The following PRKCH variants were observed in gnomAD, a reference collection of about 807,000 sequenced individuals.
The protein encoded by PRKCH is protein kinase C eta.
A neutral mutation model predicts 82.5 loss-of-function variants in PRKCH; 28 were observed. That is an observed-to-expected ratio of 0.34 (90% CI 0.25 to 0.47). PRKCH has a LOEUF of 0.47. Ranked by LOEUF, PRKCH falls within the 20% of genes least tolerant of loss-of-function variation. PRKCH has a pLI of 1.00. For synonymous variants in PRKCH, 322 were observed against 327.4 expected, an observed-to-expected ratio of 0.98 and a Z score of 0.18; for missense variants, 705 against 881.8, an observed-to-expected ratio of 0.80 and a Z score of 2.54.
At chr14:61,214,336 G>A (rs1462888023) in intron 1 of PRKCH, among the ~76,000 whole-genome samples, 1 of 152,062 alleles carries the variant, frequency 6.6e-6, no homozygotes, top group East Asian at 1.9e-4. Flanking sequence ...CCAAGGTCAG[G>A]GTTAAGAGTT....
chr14:61,288,224 C>T (rs1158864519), intron 1 of PRKCH, among the ~76,000 whole-genome samples: 6 of 151,826 alleles, frequency 4.0e-5, no homozygotes, highest in African/African-American at 1.4e-4. Flanking sequence ...TTCATTTCTT[C>T]CCCCAGAACC....
chr14:61,488,622 A>G (rs6573395), intron 10 of PRKCH, among the ~76,000 whole-genome samples: 2,029 of 152,276 alleles, frequency 0.013, 42 homozygotes, highest in African/African-American at 0.045. Context: ...GACCACTTCA[A>G]TTCCTGAAAA....
In PRKCH at chr14:61,272,621, G is replaced by A. The variant is rs535102255; in HGVS notation, c.-19+84953G>A. ...TCCACCTGCCTCGGCCTCCCAAAGT[G>A]CTGGGATTACAGGCGTGAGCCACCA... On this transcript the variant is annotated intron_variant, in intron 1 of 3. Transcript: ENST00000555185. Among the ~76,000 whole-genome samples, 10 of 152,198 alleles carry A rather than the reference G, an allele frequency of 6.6e-5. No individual in the cohort carries two copies. In the South Asian group the frequency reaches 2.1e-3, roughly 32 times the overall value.
rs1360578025 is a variant in PRKCH at position 61,457,650 on chromosome 14, A to C, written c.1249A>C (p.Thr417Pro). The change falls in exon 9 of 14, where the codon ACT (threonine) becomes CCT (proline). Residue 417 changes from threonine (T) to proline (P), a missense_variant. Around this residue, in one of 5 missense-constraint regions of PRKCH, gnomAD observed 238 missense variants for 258.1 expected, o/e 0.92. Coordinates refer to ENST00000332981, the MANE Select transcript of PRKCH (RefSeq NM_006255.5). Reference protein sequence around the residue: ...LSLARNHPFLTQLFCCFQTPD... With the variant: ...LSLARNHPFLPQLFCCFQTPD... ...TCTGGCCCGCAATCACCCCTTCCTCACTCAGTTGTTCTGCTGCTTTCAGAC... is the reference window on the plus strand; with the variant it reads ...TCTGGCCCGCAATCACCCCTTCCTCCCTCAGTTGTTCTGCTGCTTTCAGAC... 1 of 1,613,758 alleles carries C rather than the reference A, an allele frequency of 6.2e-7. No individual in the cohort carries two copies. The highest frequency in any genetic ancestry group is 8.5e-7 in the Non-Finnish European group (1 of 1,179,934).
chr14:61,481,158 CAT>C (rs1362375788), intron 9 of PRKCH, among the ~76,000 whole-genome samples: 1 of 152,200 alleles, frequency 6.6e-6, no homozygotes, highest in Non-Finnish European at 1.5e-5. Context: ...AGTGTGGAGT[CAT>C]ATTAGTTTTA....
At chr14:61,475,894 T>C (rs951975439) in intron 9 of PRKCH, among the ~76,000 whole-genome samples, 3 of 152,246 alleles carry the variant, frequency 2.0e-5, no homozygotes, top group Non-Finnish European at 4.4e-5. Context: ...GAGACTTCTA[T>C]ATCTGGTTGT....
At chr14:61,214,902 T>C (rs2044606553) in intron 1 of PRKCH, among the ~76,000 whole-genome samples, 1 of 152,218 alleles carries the variant, frequency 6.6e-6, no homozygotes, top group Non-Finnish European at 1.5e-5. Context: ...GAAGGTGTTT[T>C]CAGATGTTCT....
chr14:61,534,968 TCTC>T (rs1344591365), intron 12 of PRKCH, among the ~76,000 whole-genome samples: 3 of 152,154 alleles, frequency 2.0e-5, no homozygotes, highest in Non-Finnish European at 4.4e-5. Context: ...ATCCTCATCT[TCTC>T]CTTGAACAGT....
chr14:61,529,801 T>A (rs1431620216), intron 11 of PRKCH, among the ~76,000 whole-genome samples: 2 of 149,384 alleles, frequency 1.3e-5, no homozygotes, highest in African/African-American at 4.9e-5. Context: ...ATATACCTAA[T>A]GCTAGATGAC....
intron 1 of PRKCH, among the ~76,000 whole-genome samples, chr14:61,389,612 A>T (rs1346810167): frequency 6.6e-6 from 1 of 151,760 alleles, no homozygotes; most frequent in African/African-American, 2.4e-5. Flanking sequence ...GAGGCAGGAG[A>T]ATCGCTTGAG....
intron 2 of PRKCH, among the ~76,000 whole-genome samples, chr14:61,398,126 C>G (rs1321290047): frequency 1.3e-5 from 2 of 152,154 alleles, no homozygotes; most frequent in East Asian, 3.8e-4. Context: ...AATCTTTATT[C>G]TAACTAAGCC....
intron 10 of PRKCH, among the ~76,000 whole-genome samples, chr14:61,498,707 C>G (rs541602240): frequency 6.6e-6 from 1 of 152,256 alleles, no homozygotes; most frequent in African/African-American, 2.4e-5. Flanking sequence ...TTTCTGGTGT[C>G]TCTTGTTATA....
intron 1 of PRKCH, among the ~76,000 whole-genome samples, chr14:61,252,537 C>T (rs2044955748): frequency 6.6e-6 from 1 of 152,186 alleles, no homozygotes; most frequent in Non-Finnish European, 1.5e-5. Flanking sequence ...GGCCAAGCTC[C>T]ACTCTGGGAT....
chr14:61,238,142 T>C (rs2044806653), intron 1 of PRKCH, among the ~76,000 whole-genome samples: 2 of 152,226 alleles, frequency 1.3e-5, no homozygotes, highest in South Asian at 2.1e-4. Flanking sequence ...TTAGACTAAA[T>C]TAATTTAACA....
chr14:61,225,819 A>G (rs2044692659), intron 1 of PRKCH, among the ~76,000 whole-genome samples: 1 of 151,732 alleles, frequency 6.6e-6, no homozygotes, highest in Non-Finnish European at 1.5e-5. Flanking sequence ...GCTCACTGCA[A>G]CCTCTGCTTC....
At chr14:61,449,395 C>T (rs987787324) in intron 5 of PRKCH, 143 bp downstream of exon 5, 1 of 671,042 alleles carries the variant, frequency 1.5e-6, no homozygotes, top group Non-Finnish European at 2.6e-6. Flanking sequence ...CCCCCTGCCA[C>T]CTCCCTTCCA....
chr14:61,226,198 G>A (rs1164602029), intron 1 of PRKCH, among the ~76,000 whole-genome samples: 2 of 152,030 alleles, frequency 1.3e-5, no homozygotes, highest in Admixed American at 6.6e-5. Context: ...GCATTTATTG[G>A]CCTCCACTCT....
chr14:61,433,570 G>A (rs1883525123), intron 2 of PRKCH, among the ~76,000 whole-genome samples: 1 of 152,174 alleles, frequency 6.6e-6, no homozygotes, highest in African/African-American at 2.4e-5. Flanking sequence ...TGAGCTTCAA[G>A]TAAATGAGAA....
chr14:61,314,305 A>G (rs1408101070), intron 1 of PRKCH, among the ~76,000 whole-genome samples: 3 of 152,196 alleles, frequency 2.0e-5, no homozygotes, highest in African/African-American at 4.8e-5. Flanking sequence ...GGTTCACACT[A>G]TTGCTAGAAA....
Sources: allele counts gnomAD v4.1 joint callset (sites outside exome capture counted in the v4.1 genomes callset), GRCh38; gene constraint gnomAD v4.1.1; regional missense constraint gnomAD v4.1.1; transcripts MANE v1.5; gene names NCBI Gene and HGNC (gene_info 2026-07-23, HGNC 2026-07-21).